Variants in CYP2F1 observed in about 807,000 individuals in gnomAD.
CYP2F1 encodes the protein cytochrome P450 2F1.
Under a neutral mutation model 40.4 loss-of-function variants are expected in CYP2F1, and 33 were observed. The observed-to-expected ratio is 0.82, with a 90% CI of 0.62 to 1.09. CYP2F1 has a LOEUF of 1.09. Ranked by LOEUF, CYP2F1 falls within the 50% of genes least tolerant of loss-of-function variation. The pLI, the probability that CYP2F1 is intolerant of heterozygous loss-of-function variation, is 0.00. For synonymous variants in CYP2F1, 235 were observed against 277.2 expected, an observed-to-expected ratio of 0.85 and a Z score of 1.51; for missense variants, 566 against 655.7, an observed-to-expected ratio of 0.86 and a Z score of 1.49.
At chr19:41,124,257 T>TCCAC (rs1568381454) in intron 7 of CYP2F1, among the ~76,000 whole-genome samples, 1 of 20,760 alleles carries the variant, frequency 4.8e-5, no homozygotes, top group African/African-American at 1.7e-4. Context: ...CCCCCCCCCT[T>TCCAC]TTTTTTTTTT....
chr19:41,127,789 C>T (rs901557159), intron 9 of CYP2F1, 112 bp from the exon 10 acceptor site: 11 of 737,780 alleles, frequency 1.5e-5, no homozygotes, highest in East Asian at 2.7e-5. Flanking sequence ...GAATCTGTGA[C>T]GTCCCCAGCT....
chr19:41,124,618 T>C, intron 7 of CYP2F1, 101 bp from the exon 8 acceptor site: 1 of 1,129,352 alleles, frequency 8.9e-7, no homozygotes, highest in Non-Finnish European at 1.2e-6. Context: ...CTGGGAGACT[T>C]TGACTAGACG....
At chr19:41,115,306 C>A (rs1416784161) in intron 1 of CYP2F1, among the ~76,000 whole-genome samples, 2 of 152,178 alleles carry the variant, frequency 1.3e-5, no homozygotes, top group Admixed American at 6.6e-5. Context: ...CCCTCTCTGT[C>A]TCTCAGTCAG....
chr19:41,128,290 C>G lies in CYP2F1; in HGVS notation c.*208C>G, dbSNP rs1266427856. On this transcript the variant is annotated 3_prime_UTR_variant, in exon 10 of 10. Coordinates refer to ENST00000331105, the MANE Select transcript of CYP2F1 (RefSeq NM_000774.5). ...GGCAGATGTGGCATGTCTTTTTGTA[C>G]CCACAGAGCTTGTTCTATGGCACGC... The G allele has an allele frequency of 7.6e-6, 4 of 526,964 alleles. No individual in the cohort carries two copies. The highest frequency in any genetic ancestry group is 1.3e-5 in the Non-Finnish European group (4 of 302,604). 32.6% of individuals were successfully genotyped at this position (526,964 alleles called of 1,614,324 possible). A position where few individuals can be genotyped will look rare whatever the true frequency, so the allele number is the denominator to read the frequency against.
In CYP2F1 at chr19:41,128,018, C is replaced by T; in HGVS notation, c.1412C>T (p.Thr471Ile). The change falls in exon 10 of 10, where the codon ACC becomes ATC. Residue 471 changes from threonine to isoleucine, a missense_variant. Coordinates refer to ENST00000331105, the MANE Select transcript of CYP2F1 (RefSeq NM_000774.5). ...GGTGCGCCCGAGGACATCGACCTGA[C>T]CCCACTCAGCTCAGGTCTTGGCAAT... Reference protein sequence around the residue: ...PLGAPEDIDLTPLSSGLGNLP... With the variant: ...PLGAPEDIDLIPLSSGLGNLP... 1 of 1,613,100 alleles carries T rather than the reference C, an allele frequency of 6.2e-7. No homozygotes were observed. Among genetic ancestry groups the T allele is most frequent in the Non-Finnish European group, 8.5e-7 (1 of 1,179,992 alleles).
chr19:41,116,744 G>T, intron 3 of CYP2F1, 127 bp downstream of exon 3: 1 of 1,076,964 alleles, frequency 9.3e-7, no homozygotes, highest in Non-Finnish European at 1.3e-6. Context: ...GACACCAAAT[G>T]CAATGCAGCG....
At chr19:41,124,106 C>A (rs2032387379) in intron 7 of CYP2F1, among the ~76,000 whole-genome samples, 1 of 151,954 alleles carries the variant, frequency 6.6e-6, no homozygotes, top group South Asian at 2.1e-4. Flanking sequence ...TCCTGAAATC[C>A]CATCAGGTCC....
At chr19:41,124,043 C>G (rs1389402844) in intron 7 of CYP2F1, among the ~76,000 whole-genome samples, 1 of 151,892 alleles carries the variant, frequency 6.6e-6, no homozygotes, top group Non-Finnish European at 1.5e-5. Flanking sequence ...CCAGCCCTCC[C>G]ACACAGTCCA....
chr19:41,126,940 CTT>C (rs2032569093), intron 9 of CYP2F1, among the ~76,000 whole-genome samples: 1 of 152,124 alleles, frequency 6.6e-6, no homozygotes, highest in South Asian at 2.1e-4. Flanking sequence ...AAAACTCCCT[CTT>C]TACTCAGTGG....
Position 41,122,818 on chromosome 19 carries a change from G to A in CYP2F1, c.823-4G>A. ...CTCACATCCCCACCCCTCTACCAAT[G>A]CAGGAGAAGGAGGACCCACTGAGCC... On this transcript the variant is annotated splice_polypyrimidine_tract_variant and splice_region_variant and intron_variant, in intron 6 of 9. Transcript: ENST00000331105. 2 of 1,530,010 alleles carry A rather than the reference G, an allele frequency of 1.3e-6. No individual in the cohort carries two copies. Among genetic ancestry groups the A allele is most frequent in the Non-Finnish European group, 1.8e-6 (2 of 1,138,130 alleles). The allele number at this position is 1,530,010 out of a possible 1,614,324, so 94.8% of individuals were successfully genotyped here. A position where few individuals can be genotyped will look rare whatever the true frequency, so the allele number is the denominator to read the frequency against.
At position 41,127,794 on chromosome 19, in the gene CYP2F1, C is replaced by T. The variant is rs192100365; in HGVS notation, c.1295-107C>T. 9.2e-6 allele frequency: 7 copies of T among 763,506 alleles called. 1 individual carries two copies. In the Admixed American group the frequency reaches 1.3e-4, roughly 15 times the overall value. The allele number at this position is 763,506 out of a possible 1,614,324, so 47.3% of individuals were successfully genotyped here. A position where few individuals can be genotyped will look rare whatever the true frequency, so the allele number is the denominator to read the frequency against. On this transcript the variant is annotated intron_variant, in intron 9 of 9. Coordinates refer to ENST00000331105, the MANE Select transcript of CYP2F1 (RefSeq NM_000774.5). ...TTACATGGGTGAATCTGTGACGTCC[C>T]CAGCTGCTGTCTTCCTTTCCTCTTA...
At chr19:41,120,643 A>T (rs2032141621) in intron 4 of CYP2F1, 147 bp downstream of exon 4, 1 of 894,278 alleles carries the variant, frequency 1.1e-6, no homozygotes, top group African/African-American at 1.7e-5. Context: ...CACCACACCC[A>T]GCTTATTTTT....
At chr19:41,124,986 G>A in intron 8 of CYP2F1, 80 bp downstream of exon 8, 1 of 1,296,874 alleles carries the variant, frequency 7.7e-7, no homozygotes, top group South Asian at 1.4e-5. Context: ...GAGTATCCCA[G>A]GCACTAGCCA....
rs1348192353 is a variant in CYP2F1, at chr19:41,122,878, T to C, written c.879T>C (p.His293=). The change falls in exon 7 of 10, where the codon CAT becomes CAC. Residue 293 remains histidine, a synonymous_variant. Coordinates refer to ENST00000331105, the MANE Select transcript of CYP2F1 (RefSeq NM_000774.5). ...TGGATACCCTGCTGATGACCACACA[T>C]AACCTGCTCTTTGGCGGCACCAAGA... ...FHMDTLLMTT[H]NLLFGGTKTV... is the part of the protein sequence containing the mutation. 6.3e-7 allele frequency: 1 copy of C among 1,593,098 alleles called. No individual in the cohort carries two copies. Among genetic ancestry groups the C allele is most frequent in the East Asian group, 2.2e-5 (1 of 44,692 alleles).
At chr19:41,127,177 A>C (rs1369399248) in intron 9 of CYP2F1, among the ~76,000 whole-genome samples, 2 of 152,120 alleles carry the variant, frequency 1.3e-5, no homozygotes, top group African/African-American at 2.4e-5. Context: ...CCACATCTAT[A>C]AAATGGAGAT....
intron 3 of CYP2F1, among the ~76,000 whole-genome samples, chr19:41,119,924 G>C (rs1374101349): frequency 6.6e-6 from 1 of 151,614 alleles, no homozygotes; most frequent in Non-Finnish European, 1.5e-5. Context: ...CTGGGTAACA[G>C]AGCGAGACTG....
chr19:41,124,253 C>CG (rs796530025), intron 7 of CYP2F1, among the ~76,000 whole-genome samples: 24 of 93,196 alleles, frequency 2.6e-4, no homozygotes, highest in African/African-American at 5.0e-4. Context: ...CTTCCCCCCC[C>CG]CCTTTTTTTT....
At chr19:41,120,612 G>T in intron 4 of CYP2F1, 116 bp downstream of exon 4, 1 of 1,141,546 alleles carries the variant, frequency 8.8e-7, no homozygotes. Context: ...CTCCCGAATA[G>T]CTGGTACTTC....
At chr19:41,114,784 C>A (rs1202327224) in intron 1 of CYP2F1, among the ~76,000 whole-genome samples, 1 of 135,256 alleles carries the variant, frequency 7.4e-6, no homozygotes, top group Non-Finnish European at 1.6e-5. Flanking sequence ...CTCTCTCTCT[C>A]TCTCTTTTTT....
Sources: allele counts gnomAD v4.1 joint callset (sites outside exome capture counted in the v4.1 genomes callset), GRCh38; gene constraint gnomAD v4.1.1; transcripts MANE v1.5; gene names NCBI Gene and HGNC (gene_info 2026-07-23, HGNC 2026-07-21).